The following AFF2 variants were observed in gnomAD, a reference collection of about 807,000 sequenced individuals.
AFF2 encodes AF4/FMR2 family member 2.
In AFF2, 14 loss-of-function variants were observed where a neutral mutation model predicts 76.9. That is an observed-to-expected ratio of 0.18 (90% CI 0.12 to 0.28). The LOEUF is 0.28. AFF2 is among the 10% of genes least tolerant of loss of function. AFF2 has a pLI of 1.00. For synonymous variants in AFF2, 398 were observed against 366.7 expected (o/e 1.09, Z -0.98); for missense variants, 868 against 1,001.1 (o/e 0.87, Z 1.79).
intron 1 of AFF2, among the ~76,000 whole-genome samples, chrX:148,551,482 GAAAAAAAAAAAAAAAAA>G (rs781883999): frequency 5.3e-5 from 2 of 38,012 alleles, no homozygotes; most frequent in East Asian, 1.6e-3. Flanking sequence ...GCTGGGAAGT[GAAAAAAAAAAAAAAAAA>G]AAAAAAAAAA....
chrX:148,983,686 C>T (rs1417865143), intron 19 of AFF2, among the ~76,000 whole-genome samples: 2 of 110,392 alleles, frequency 1.8e-5, no homozygotes, highest in Non-Finnish European at 3.8e-5. Flanking sequence ...TGCTCTTTTG[C>T]AATAAGTAGC....
intron 9 of AFF2, among the ~76,000 whole-genome samples, chrX:148,915,236 T>C (rs1277064722): frequency 1.8e-5 from 2 of 112,634 alleles, no homozygotes; most frequent in African/African-American, 6.5e-5. Context: ...ATTTACAGCA[T>C]AGGGGTATAT....
At chrX:148,560,160 C>T (rs1300914507) in intron 1 of AFF2, among the ~76,000 whole-genome samples, 1 of 111,228 alleles carries the variant, frequency 9.0e-6, no homozygotes, top group Non-Finnish European at 1.9e-5. Context: ...TACAAGGCTA[C>T]AGTAACCAAA....
At chrX:148,892,401 C>A (rs1183181375) in intron 8 of AFF2, among the ~76,000 whole-genome samples, 2 of 110,834 alleles carry the variant, frequency 1.8e-5, no homozygotes, top group Admixed American at 9.6e-5. Flanking sequence ...AATCCAGTTT[C>A]TTTAATCCAG....
At position 148,966,707 on chromosome X, in the gene AFF2, C is replaced by T. The variant is rs12007454; in HGVS notation, c.2914-83C>T. On this transcript the variant is annotated intron_variant, in intron 13 of 20. Coordinates refer to ENST00000370460, the MANE Select transcript of AFF2 (RefSeq NM_002025.4). Reference sequence around the variant, plus strand: ...TTTTTTTTTTTGCCTTCTTTCGTAACGTGCTTGACATTCAAAGCATTTATG... The same window carrying T: ...TTTTTTTTTTTGCCTTCTTTCGTAATGTGCTTGACATTCAAAGCATTTATG... 0.054 allele frequency: 59,971 copies of T among 1,119,250 alleles called. 2,595 individuals are homozygous for T. The highest frequency in any genetic ancestry group is 0.27 in the African/African-American group (13,576 of 50,941). The allele number at this position is 1,119,250 out of a possible 1,213,427, so 92.2% of individuals were successfully genotyped here. A position where few individuals can be genotyped will look rare whatever the true frequency, so the allele number is the denominator to read the frequency against.
At chrX:148,626,481 G>A (rs1350567840) in intron 1 of AFF2, among the ~76,000 whole-genome samples, 2 of 110,857 alleles carry the variant, frequency 1.8e-5, no homozygotes, top group East Asian at 5.7e-4. Flanking sequence ...GAGATGAAAG[G>A]GGGTGCATTA....
chrX:148,832,501 C>T (rs1393745349), intron 4 of AFF2, among the ~76,000 whole-genome samples: 2 of 112,269 alleles, frequency 1.8e-5, no homozygotes, highest in Non-Finnish European at 1.9e-5. Context: ...CCATCTTGAG[C>T]CTTGGGCAGA....
intron 9 of AFF2, among the ~76,000 whole-genome samples, chrX:148,941,132 T>C (rs952584510): frequency 9.0e-6 from 1 of 111,717 alleles, no homozygotes; most frequent in Admixed American, 9.5e-5. Flanking sequence ...ACTGCCTTTT[T>C]TTCTGATTGT....
chrX:148,880,340 A>T (rs1307504294), intron 7 of AFF2, among the ~76,000 whole-genome samples: 1 of 111,841 alleles, frequency 8.9e-6, no homozygotes, highest in Admixed American at 9.5e-5. Context: ...CCAACAAATG[A>T]TTCAATGCTG....
At chrX:148,537,442 C>T (rs1452165226) in intron 1 of AFF2, among the ~76,000 whole-genome samples, 1 of 111,439 alleles carries the variant, frequency 9.0e-6, no homozygotes, top group Non-Finnish European at 1.9e-5. Context: ...AGATGATTTA[C>T]GTGGTCCAGG....
intron 7 of AFF2, among the ~76,000 whole-genome samples, chrX:148,884,125 C>T: frequency 8.9e-6 from 1 of 112,131 alleles, no homozygotes; most frequent in Admixed American, 9.5e-5. Context: ...ATTATTTGTT[C>T]AGAGTCAGAA....
chrX:148,922,063 C>T (rs1268686771), intron 9 of AFF2, among the ~76,000 whole-genome samples: 11 of 112,187 alleles, frequency 9.8e-5, no homozygotes, highest in Admixed American at 9.4e-4. Flanking sequence ...TTAGAATTTT[C>T]ATTGCTGCAA....
chrX:148,659,276 G>C (rs970801336), intron 2 of AFF2, among the ~76,000 whole-genome samples: 158 of 112,329 alleles, frequency 1.4e-3, no homozygotes, highest in African/African-American at 4.9e-3. Context: ...AAGTAGGCAA[G>C]GTTCTCCCTA....
At chrX:148,952,888 C>G (rs2071986258) in intron 9 of AFF2, among the ~76,000 whole-genome samples, 1 of 111,376 alleles carries the variant, frequency 9.0e-6, no homozygotes, top group Non-Finnish European at 1.9e-5. Flanking sequence ...TATTCATGCA[C>G]CCAACAGACA....
chrX:148,770,471 G>T (rs1269770774), intron 3 of AFF2, among the ~76,000 whole-genome samples: 1 of 111,945 alleles, frequency 8.9e-6, no homozygotes, highest in Non-Finnish European at 1.9e-5. Flanking sequence ...AAAGTTGGGG[G>T]TATCATTCCA....
intron 1 of AFF2, among the ~76,000 whole-genome samples, chrX:148,539,026 G>A (rs2052821986): frequency 9.0e-6 from 1 of 111,408 alleles, no homozygotes; most frequent in East Asian, 2.8e-4. Flanking sequence ...TTTATGGCTA[G>A]ACCCAGATAA....
chrX:148,533,335 C>G (rs891839626), intron 1 of AFF2, among the ~76,000 whole-genome samples: 5 of 110,025 alleles, frequency 4.5e-5, no homozygotes, highest in Non-Finnish European at 9.5e-5. Context: ...CTCTGTTGCC[C>G]AGGCTGGAGT....
chrX:148,551,235 G>A (rs2052986190), intron 1 of AFF2, among the ~76,000 whole-genome samples: 1 of 110,062 alleles, frequency 9.1e-6, no homozygotes, highest in African/African-American at 3.3e-5. Context: ...ATGAAAGTGT[G>A]GGATAATGGC....
intron 1 of AFF2, among the ~76,000 whole-genome samples, chrX:148,617,767 C>T (rs1314505090): frequency 8.9e-6 from 1 of 112,274 alleles, no homozygotes; most frequent in Non-Finnish European, 1.9e-5. Flanking sequence ...GTAAGAAGCT[C>T]ATACAAAATA....
Sources: allele counts gnomAD v4.1 joint callset (sites outside exome capture counted in the v4.1 genomes callset), GRCh38; gene constraint gnomAD v4.1.1; transcripts MANE v1.5; gene names NCBI Gene and HGNC (gene_info 2026-07-23, HGNC 2026-07-21).